DYNC1I1: variants seen among roughly 807,000 people sequenced by gnomAD.
DYNC1I1 encodes dynein cytoplasmic 1 intermediate chain 1.
A neutral mutation model predicts 86.6 loss-of-function variants in DYNC1I1; 43 were observed. The observed-to-expected ratio is 0.50, with a 90% CI of 0.39 to 0.64. The LOEUF (loss-of-function observed/expected upper bound fraction) is 0.64, where lower values mean the gene tolerates loss of function less well. Ranked by LOEUF, DYNC1I1 falls within the 30% of genes least tolerant of loss-of-function variation. The probability of loss-of-function intolerance (pLI) is 0.00; values close to 1 mark genes in which losing one functional copy is unlikely to be tolerated. For synonymous variants in DYNC1I1, 262 were observed against 283.7 expected, an observed-to-expected ratio of 0.92 and a Z score of 0.77; for missense variants, 604 against 788.8, an observed-to-expected ratio of 0.77 and a Z score of 2.81.
intron 1 of DYNC1I1, among the ~76,000 whole-genome samples, chr7:95,779,593 G>T (rs772983365): frequency 2.0e-5 from 3 of 152,148 alleles, no homozygotes; most frequent in Non-Finnish European, 4.4e-5. Context: ...AAATTGTCTT[G>T]ATTTGAATTT....
At chr7:96,077,548 AT>A (rs1790382508) in intron 15 of DYNC1I1, among the ~76,000 whole-genome samples, 1 of 152,186 alleles carries the variant, frequency 6.6e-6, no homozygotes, top group African/African-American at 2.4e-5. Context: ...GAAAGATGTT[AT>A]TACCCTACAT....
chr7:96,067,973 C>G (rs566243057), intron 14 of DYNC1I1, among the ~76,000 whole-genome samples: 6 of 152,284 alleles, frequency 3.9e-5, no homozygotes, highest in African/African-American at 1.4e-4. Flanking sequence ...CCTTTCTGCT[C>G]TAACCTACAT....
intron 6 of DYNC1I1, among the ~76,000 whole-genome samples, chr7:95,901,610 A>T (rs1156276357): frequency 2.6e-5 from 4 of 152,116 alleles, no homozygotes; most frequent in African/African-American, 9.7e-5. Context: ...CCTTTTTAGG[A>T]TCCCAAATTC....
chr7:95,791,846 T>C (rs1311322900), intron 1 of DYNC1I1, among the ~76,000 whole-genome samples: 1 of 152,198 alleles, frequency 6.6e-6, no homozygotes, highest in Non-Finnish European at 1.5e-5. Flanking sequence ...GTTAGGAGTA[T>C]GTGTTTGTTG....
chr7:96,028,142 G>T (rs981278230), intron 10 of DYNC1I1, 33 bp from the exon 11 acceptor site: 12 of 1,603,720 alleles, frequency 7.5e-6, no homozygotes, highest in Non-Finnish European at 1.0e-5. Flanking sequence ...ATTTCACATT[G>T]CATCTCTCTC....
chr7:95,943,663 C>T (rs1792306490), intron 6 of DYNC1I1, among the ~76,000 whole-genome samples: 2 of 148,578 alleles, frequency 1.3e-5, no homozygotes, highest in African/African-American at 4.9e-5. Flanking sequence ...ATGGTACTGG[C>T]ACCAAAACAG....
intron 5 of DYNC1I1, among the ~76,000 whole-genome samples, chr7:95,867,661 G>C (rs1413026343): frequency 6.6e-6 from 1 of 152,218 alleles, no homozygotes; most frequent in Non-Finnish European, 1.5e-5. Context: ...TGCCTGTAGA[G>C]GTAGCTACCA....
chr7:95,927,915 A>T (rs570765930), intron 6 of DYNC1I1, among the ~76,000 whole-genome samples: 1 of 152,292 alleles, frequency 6.6e-6, no homozygotes, highest in South Asian at 2.1e-4. Flanking sequence ...ACCACCGCAT[A>T]ATTTCACACA....
intron 5 of DYNC1I1, among the ~76,000 whole-genome samples, chr7:95,857,105 G>A (rs1456440811): frequency 2.6e-5 from 4 of 152,148 alleles, no homozygotes; most frequent in African/African-American, 4.8e-5. Flanking sequence ...GTGTTTTCCC[G>A]AAGTCATTCA....
At chr7:96,099,529 G>T (rs2116340891), downstream of DYNC1I1, among the ~76,000 whole-genome samples, 1 of 152,280 alleles carries the variant, frequency 6.6e-6, no homozygotes, top group Non-Finnish European at 1.5e-5. Context: ...TCACAGTTCT[G>T]AAAGCTGGGA....
intron 6 of DYNC1I1, among the ~76,000 whole-genome samples, chr7:95,881,010 A>T (rs17487265): frequency 4.6e-5 from 7 of 151,882 alleles, no homozygotes; most frequent in African/African-American, 1.7e-4. Context: ...CTATTTATTT[A>T]GTCCTCTTAA....
intron 6 of DYNC1I1, among the ~76,000 whole-genome samples, chr7:95,967,041 T>C (rs1793033502): frequency 1.3e-5 from 2 of 152,226 alleles, no homozygotes; most frequent in African/African-American, 2.4e-5. Flanking sequence ...CTGGGGAAAT[T>C]AGAAATTATT....
rs147609996 is a variant in DYNC1I1, at chr7:96,052,478, G to A, written c.1509+13057G>A. On this transcript the variant is annotated intron_variant, in intron 14 of 16. Transcript: ENST00000447467. ...AGTTACTTAACCTCTCTGTGCTGCA[G>A]TTTAGTCATCTCTAAAATGGGGATT... Among the ~76,000 whole-genome samples the A allele has an allele frequency of 4.2e-3, 644 of 152,242 alleles. 1 individual carries two copies. Among genetic ancestry groups the A allele is most frequent in the South Asian group, 0.013 (65 of 4,818 alleles).
chr7:95,773,250 A>G (rs6973989), intron 1 of DYNC1I1, among the ~76,000 whole-genome samples: 1 of 152,176 alleles, frequency 6.6e-6, no homozygotes, highest in Non-Finnish European at 1.5e-5. Context: ...TGCTGTCACT[A>G]CCCTGCAAGT....
At chr7:96,063,838 T>C (rs1430001777) in intron 14 of DYNC1I1, among the ~76,000 whole-genome samples, 1 of 152,204 alleles carries the variant, frequency 6.6e-6, no homozygotes, top group Admixed American at 6.5e-5. Context: ...TCCTTGGTTA[T>C]GGACAAATAA....
chr7:96,047,139 G>C (rs781108698), intron 14 of DYNC1I1, among the ~76,000 whole-genome samples: 1 of 152,102 alleles, frequency 6.6e-6, no homozygotes, highest in Non-Finnish European at 1.5e-5. Context: ...GGGCTAACAG[G>C]CTCCTTGAAG....
intron 6 of DYNC1I1, among the ~76,000 whole-genome samples, chr7:95,889,067 A>G (rs754507446): frequency 2.5e-4 from 38 of 152,130 alleles, no homozygotes; most frequent in Non-Finnish European, 5.4e-4. Flanking sequence ...AACATGGGAG[A>G]TATTACCTAG....
At chr7:95,960,001 G>A (rs2116505452) in intron 6 of DYNC1I1, among the ~76,000 whole-genome samples, 1 of 152,342 alleles carries the variant, frequency 6.6e-6, no homozygotes, top group Non-Finnish European at 1.5e-5. Flanking sequence ...CTTGTGCAGT[G>A]TAAGGATAAA....
In DYNC1I1 at chr7:95,958,921, G is replaced by A. The variant is rs1337922458; in HGVS notation, c.491-18591G>A. ...GCCCTTGAGGAGTTTTAAGCATAGC[G>A]AATGCTATCATTTGGCATACAAATG... On this transcript the variant is annotated intron_variant, in intron 6 of 16. Transcript: ENST00000447467. Among the ~76,000 whole-genome samples the A allele has an allele frequency of 3.3e-5, 5 of 152,256 alleles. 1 individual carries two copies. Among genetic ancestry groups the A allele is most frequent in the East Asian group, 1.9e-4 (1 of 5,178 alleles).
Sources: gnomAD v4.1 joint callset for allele counts (sites outside exome capture counted in the v4.1 genomes callset) on GRCh38, gnomAD v4.1.1 for gene constraint, MANE v1.5 for transcripts, NCBI Gene and HGNC (gene_info 2026-07-23, HGNC 2026-07-21) for gene names.